ANKDD1B: variants seen among roughly 807,000 people sequenced by gnomAD.
ANKDD1B encodes the protein ankyrin repeat and death domain containing 1B.
ANKDD1B carries 57 observed loss-of-function variants against 59.7 expected under a neutral mutation model. That is an observed-to-expected ratio of 0.95 (90% CI 0.77 to 1.19). The LOEUF (loss-of-function observed/expected upper bound fraction) is 1.19, where lower values mean the gene tolerates loss of function less well. Among genes scored for constraint, ANKDD1B ranks in the 50% most tolerant of loss-of-function variants. The pLI is 0.00. For synonymous variants in ANKDD1B, 216 were observed against 239.5 expected (o/e 0.90, Z 0.91); for missense variants, 602 against 641.9 (o/e 0.94, Z 0.67).
chr5:75,666,857 T>C lies in ANKDD1B; in HGVS notation c.1257T>C (p.Ser419=). The change falls in exon 12 of 14, where the codon AGT becomes AGC. Residue 419 remains serine, a synonymous_variant. Transcript: ENST00000601380. ...GFTLTFKQDH[S]LETRHIRTLL... is the part of the protein sequence containing the mutation. Reference sequence around the variant, plus strand: ...CTCTGACATTCAAGCAAGATCACAGTCTGGAGACCAGACACATTCGCACGC... The same window carrying C: ...CTCTGACATTCAAGCAAGATCACAGCCTGGAGACCAGACACATTCGCACGC... The C allele has an allele frequency of 6.5e-7, 1 of 1,535,984 alleles. No individual in the cohort carries two copies. The highest frequency in any genetic ancestry group is 1.2e-5 in the South Asian group (1 of 84,040).
intron 7 of ANKDD1B, among the ~76,000 whole-genome samples, chr5:75,652,360 C>T (rs1774855902): frequency 6.6e-6 from 1 of 152,140 alleles, no homozygotes; most frequent in African/African-American, 2.4e-5. Flanking sequence ...TAGAAAAAAA[C>T]AATTAGGAAA....
intron 9 of ANKDD1B, among the ~76,000 whole-genome samples, chr5:75,657,947 C>T (rs1489874664): frequency 2.7e-5 from 4 of 150,792 alleles, no homozygotes; most frequent in Non-Finnish European, 4.4e-5. Context: ...TGTTTTGGGT[C>T]ACACCTGTAA....
intron 7 of ANKDD1B, among the ~76,000 whole-genome samples, chr5:75,645,056 C>G (rs1160958691): frequency 1.5e-5 from 2 of 133,038 alleles, no homozygotes; most frequent in Non-Finnish European, 3.0e-5. Context: ...CCAACAAGAA[C>G]AAAGACACCA....
At chr5:75,613,621 C>G (rs4045166) in intron 1 of ANKDD1B, among the ~76,000 whole-genome samples, 60,273 of 151,944 alleles carry the variant, frequency 0.4, 16,014 homozygotes, top group African/African-American at 0.76. Flanking sequence ...AAGTAAATTA[C>G]GTAGATTAGT....
chr5:75,630,531 T>C lies in ANKDD1B; in HGVS notation c.601-4367T>C, dbSNP rs555113592. The stretch of plus-strand genomic sequence containing the variant: ...TCTTTTCTCAGAACCTCCCATCTCT[T>C]AGCAGGTGAAGCTTTCTTTCACTCT... On this transcript the variant is annotated intron_variant, in intron 5 of 13. Coordinates refer to ENST00000601380, the MANE Select transcript of ANKDD1B (RefSeq NM_001276713.2). Among the ~76,000 whole-genome samples, 5 of 152,364 alleles carry C rather than the reference T, an allele frequency of 3.3e-5. No homozygotes were observed. In the South Asian group the frequency reaches 1.0e-3, roughly 32 times the overall value.
intron 2 of ANKDD1B, among the ~76,000 whole-genome samples, chr5:75,619,116 G>T (rs1261185544): frequency 6.6e-6 from 1 of 152,170 alleles, no homozygotes; most frequent in Non-Finnish European, 1.5e-5. Context: ...AATCAAAATG[G>T]AGTCACCGAT....
chr5:75,618,790 G>A (rs972659151), intron 2 of ANKDD1B, among the ~76,000 whole-genome samples: 1 of 152,118 alleles, frequency 6.6e-6, no homozygotes, highest in African/African-American at 2.4e-5. Context: ...CTGTCACCGA[G>A]GCTGGAGTGC....
At chr5:75,637,895 C>T (rs997741973) in intron 7 of ANKDD1B, among the ~76,000 whole-genome samples, 2 of 152,078 alleles carry the variant, frequency 1.3e-5, no homozygotes, top group African/African-American at 4.8e-5. Context: ...TTAAAGAATG[C>T]CCCACTGTTG....
At chr5:75,652,302 T>A (rs965274599) in intron 7 of ANKDD1B, among the ~76,000 whole-genome samples, 1 of 152,186 alleles carries the variant, frequency 6.6e-6, no homozygotes, top group Non-Finnish European at 1.5e-5. Context: ...ACATTCAGTC[T>A]GTTGCACACG....
intron 10 of ANKDD1B, among the ~76,000 whole-genome samples, chr5:75,659,921 C>A (rs1051021438): frequency 6.6e-6 from 1 of 151,728 alleles, no homozygotes; most frequent in African/African-American, 2.4e-5. Flanking sequence ...TGGAGAGTTT[C>A]TTCATTCTTT....
intron 7 of ANKDD1B, among the ~76,000 whole-genome samples, chr5:75,652,367 G>GA (rs1412838554): frequency 2.0e-5 from 3 of 152,040 alleles, no homozygotes; most frequent in Non-Finnish European, 4.4e-5. Context: ...AAACAATTAG[G>GA]AAAAAACCAC....
rs1775216912 is a variant in ANKDD1B at position 75,663,504 on chromosome 5, T to TC, written c.1191+18dup. 3.3e-6 allele frequency: 5 copies of TC among 1,530,970 alleles called. No individual in the cohort carries two copies. The highest frequency in any genetic ancestry group is 4.4e-6 in the Non-Finnish European group (5 of 1,142,514). The allele number at this position is 1,530,970 out of a possible 1,614,324, so 94.8% of individuals were successfully genotyped here. ...CCTGGAGAGAGGTAAGGAAGGACGA[T>TC]CCCAGCACAGCAGGGGCTTTCCTGG... On this transcript the variant is annotated intron_variant, in intron 11 of 13. Transcript: ENST00000601380.
intron 12 of ANKDD1B, among the ~76,000 whole-genome samples, chr5:75,668,938 T>A (rs571291983): frequency 6.6e-6 from 1 of 152,318 alleles, no homozygotes; most frequent in South Asian, 2.1e-4. Context: ...GCACTGTGAG[T>A]TTGAAGAGCA....
At chr5:75,651,288 C>A (rs1038224564) in intron 7 of ANKDD1B, among the ~76,000 whole-genome samples, 3 of 152,218 alleles carry the variant, frequency 2.0e-5, no homozygotes, top group African/African-American at 7.2e-5. Context: ...CCAACAGCAT[C>A]CTTATTTGGA....
At position 75,666,873 on chromosome 5, in the gene ANKDD1B, A is replaced by G; in HGVS notation, c.1273A>G (p.Ile425Val). The G allele has an allele frequency of 1.3e-6, 2 of 1,535,500 alleles. No individual in the cohort carries two copies. Among genetic ancestry groups the G allele is most frequent in the South Asian group, 1.2e-5 (1 of 83,924 alleles). Residue 425 changes from isoleucine to valine, a missense_variant, in exon 12 of 14, where the codon ATT (isoleucine) becomes GTT (valine). This residue lies in a region of ANKDD1B where 280 missense variants were observed against 319.8 expected (regional missense o/e 0.88). Transcript: ENST00000601380. ...KQDHSLETRH[I>V]RTLLWDLAYH... ...AGATCACAGTCTGGAGACCAGACAC[A>G]TTCGCACGCTTCTCTGGGACCTGGC...
chr5:75,636,597 G>A (rs1774310281), intron 7 of ANKDD1B, among the ~76,000 whole-genome samples: 1 of 152,170 alleles, frequency 6.6e-6, no homozygotes, highest in African/African-American at 2.4e-5. Flanking sequence ...CTTAGGTGTG[G>A]GCAGGTAACT....
At chr5:75,657,716 G>A (rs113708682) in intron 9 of ANKDD1B, among the ~76,000 whole-genome samples, 4 of 151,920 alleles carry the variant, frequency 2.6e-5, no homozygotes, top group African/African-American at 9.7e-5. Context: ...AGACAAGCCT[G>A]GCCAATATAG....
At chr5:75,669,680 G>A (rs1775420696) in intron 13 of ANKDD1B, among the ~76,000 whole-genome samples, 1 of 152,072 alleles carries the variant, frequency 6.6e-6, no homozygotes, top group African/African-American at 2.4e-5. Flanking sequence ...AGGTGGGGTG[G>A]GGCAGAAGTG....
rs191020119 is a variant in ANKDD1B, at chr5:75,666,569, T to A, written c.1192-223T>A. On this transcript the variant is annotated intron_variant, in intron 11 of 13. Transcript: ENST00000601380. ...CACAATAGGCAAAATCCCTCACATT[T>A]CCTGTGTCAGACAGACGGTACCCAA... Among the ~76,000 whole-genome samples the A allele has an allele frequency of 3.4e-4, 52 of 152,132 alleles. 1 individual carries two copies. The East Asian group carries it at 8.5e-3, about 25-fold the overall frequency.
Sources: gnomAD v4.1 joint callset for allele counts (sites outside exome capture counted in the v4.1 genomes callset) on GRCh38, gnomAD v4.1.1 for gene constraint, gnomAD v4.1.1 regional missense constraint, MANE v1.5 for transcripts, NCBI Gene and HGNC (gene_info 2026-07-23, HGNC 2026-07-21) for gene names.